Variants in PIK3R1 observed in about 807,000 individuals in gnomAD.
PIK3R1 encodes the protein phosphoinositide-3-kinase regulatory subunit 1.
Under a neutral mutation model 98.0 loss-of-function variants are expected in PIK3R1, and 29 were observed. The observed-to-expected ratio is 0.30, with a 90% CI of 0.22 to 0.40. The LOEUF (loss-of-function observed/expected upper bound fraction) is 0.40. Among genes scored for constraint, PIK3R1 ranks in the 10% least tolerant of loss-of-function variants. The pLI is 1.00. For synonymous variants in PIK3R1, 282 were observed against 311.8 expected (o/e 0.90, Z 1.01); for missense variants, 596 against 872.7 (o/e 0.68, Z 3.99).
chr5:68,292,183 G>T, intron 7 of PIK3R1, 76 bp from the exon 8 acceptor site: 2 of 836,940 alleles, frequency 2.4e-6, no homozygotes, highest in South Asian at 1.7e-5. Flanking sequence ...TTTTTTTAAA[G>T]TAAAAGTATT....
rs577824083 is a variant in PIK3R1, at chr5:68,229,219, C to T, written c.334+2210C>T. Among the ~76,000 whole-genome samples the T allele has an allele frequency of 7.2e-5, 11 of 152,048 alleles. No homozygotes were observed. In the East Asian group the frequency reaches 9.7e-4, roughly 13 times the overall value. On this transcript the variant is annotated intron_variant, in intron 2 of 15. Transcript: ENST00000521381. ...TTCTCATTTAAATATTCCTATGAAG[C>T]GAGAATTCAATAGCTCCTATGAGTT...
At chr5:68,288,573 G>A (rs1747195611) in intron 7 of PIK3R1, 1 of 1,517,710 alleles carries the variant, frequency 6.6e-7, no homozygotes, top group Non-Finnish European at 8.8e-7. Flanking sequence ...TCCTGGCGGC[G>A]CCCCCGCTCC....
chr5:68,251,865 T>G (rs969614122), intron 2 of PIK3R1, among the ~76,000 whole-genome samples: 1 of 152,150 alleles, frequency 6.6e-6, no homozygotes, highest in Non-Finnish European at 1.5e-5. Flanking sequence ...AGGAGTTGTG[T>G]AGGGCCCTCA....
At chr5:68,241,460 A>T (rs1744870990) in intron 2 of PIK3R1, among the ~76,000 whole-genome samples, 1 of 151,526 alleles carries the variant, frequency 6.6e-6, no homozygotes, top group Admixed American at 6.6e-5. Flanking sequence ...TCTTAAATAC[A>T]TGCAAGATGA....
chr5:68,256,710 G>A (rs1745530940), intron 2 of PIK3R1, among the ~76,000 whole-genome samples: 1 of 151,910 alleles, frequency 6.6e-6, no homozygotes, highest in African/African-American at 2.4e-5. Flanking sequence ...GATTGAGAGG[G>A]GCAATTAGCA....
intron 2 of PIK3R1, among the ~76,000 whole-genome samples, chr5:68,263,437 T>C (rs967181190): frequency 6.6e-6 from 1 of 151,846 alleles, no homozygotes; most frequent in African/African-American, 2.4e-5. Context: ...TCTAAAATTA[T>C]AATTCTAAAA....
chr5:68,217,599 A>G (rs950912362), intron 1 of PIK3R1: 6 of 151,484 alleles, frequency 4.0e-5, no homozygotes, highest in African/African-American at 1.2e-4. Flanking sequence ...GTTTTTGACC[A>G]GTATAAAGAA....
intron 2 of PIK3R1, among the ~76,000 whole-genome samples, chr5:68,255,005 C>T (rs1018804818): frequency 1.1e-4 from 17 of 152,272 alleles, no homozygotes; most frequent in Admixed American, 7.9e-4. Flanking sequence ...TGCAAATGGA[C>T]GAGCTGCTGC....
At chr5:68,243,523 C>G (rs1561266969) in intron 2 of PIK3R1, among the ~76,000 whole-genome samples, 1 of 152,228 alleles carries the variant, frequency 6.6e-6, no homozygotes, top group Non-Finnish European at 1.5e-5. Flanking sequence ...TTAGAAAGTC[C>G]TGTTCTACCA....
intron 1 of PIK3R1, among the ~76,000 whole-genome samples, chr5:68,222,863 G>A (rs577316564): frequency 6.6e-6 from 1 of 152,176 alleles, no homozygotes; most frequent in South Asian, 2.1e-4. Flanking sequence ...GTTAAAAATG[G>A]GACTTACAGA....
intron 5 of PIK3R1, 106 bp downstream of exon 5, chr5:68,279,839 T>A: frequency 9.2e-7 from 1 of 1,090,476 alleles, no homozygotes; most frequent in Non-Finnish European, 1.3e-6. Context: ...ATAGTAGTAA[T>A]AACCTGTCCC....
At chr5:68,271,634 C>T (rs1011903533) in intron 2 of PIK3R1, among the ~76,000 whole-genome samples, 105 of 152,282 alleles carry the variant, frequency 6.9e-4, no homozygotes, top group Non-Finnish European at 3.1e-4. Context: ...ACTCAATAAC[C>T]GCTGTGGCTA....
intron 2 of PIK3R1, among the ~76,000 whole-genome samples, chr5:68,264,499 C>T (rs71630404): frequency 0.19 from 28,933 of 152,114 alleles, 2,890 homozygotes; most frequent in South Asian, 0.22. Context: ...TCTCAGTTTT[C>T]TCATCTGTAA....
intron 2 of PIK3R1, among the ~76,000 whole-genome samples, chr5:68,262,585 A>T (rs1181594123): frequency 7.1e-6 from 1 of 140,554 alleles, no homozygotes; most frequent in African/African-American, 2.7e-5. Flanking sequence ...ACATGTATAC[A>T]CATGTATCTG....
At chr5:68,279,936 T>C (rs763646276) in intron 5 of PIK3R1, among the ~76,000 whole-genome samples, 4 of 152,218 alleles carry the variant, frequency 2.6e-5, no homozygotes, top group Non-Finnish European at 5.9e-5. Context: ...GAAGCCCGTC[T>C]GCATGTCAGA....
chr5:68,295,236 G>A lies in PIK3R1; in HGVS notation c.1657G>A (p.Ala553Thr), dbSNP rs2112275505. ...RRLEEDLKKQ[A>T]AEYREIDKRM... ...ATTGGAAGAAGACTTGAAGAAGCAGGCAGCTGAGTATCGAGAAATTGACAA... is the reference window on the plus strand; with the variant it reads ...ATTGGAAGAAGACTTGAAGAAGCAGACAGCTGAGTATCGAGAAATTGACAA... The change falls in exon 13 of 16, where the codon GCA (alanine) becomes ACA (threonine). Residue 553 changes from alanine to threonine, a missense_variant. Transcript: ENST00000521381. The A allele has an allele frequency of 6.2e-7, 1 of 1,614,028 alleles. No homozygotes were observed. The highest frequency in any genetic ancestry group is 1.1e-5 in the South Asian group (1 of 91,082).
intron 15 of PIK3R1, among the ~76,000 whole-genome samples, chr5:68,297,043 C>G (rs1380814696): frequency 1.3e-5 from 2 of 152,196 alleles, no homozygotes; most frequent in Non-Finnish European, 2.9e-5. Flanking sequence ...AATAGTAACA[C>G]TGCTAGTCAT....
intron 2 of PIK3R1, among the ~76,000 whole-genome samples, chr5:68,233,642 G>A (rs1744560262): frequency 1.3e-5 from 2 of 152,094 alleles, no homozygotes; most frequent in African/African-American, 2.4e-5. Context: ...TATACAAACA[G>A]TACGTGGAAT....
intron 2 of PIK3R1, among the ~76,000 whole-genome samples, chr5:68,267,924 A>G (rs1746189770): frequency 6.6e-6 from 1 of 152,190 alleles, no homozygotes; most frequent in Non-Finnish European, 1.5e-5. Flanking sequence ...AAAAGTATTG[A>G]GAACAGTCTA....
Sources: gnomAD v4.1 joint callset for allele counts (sites outside exome capture counted in the v4.1 genomes callset) on GRCh38, gnomAD v4.1.1 for gene constraint, MANE v1.5 for transcripts, NCBI Gene and HGNC (gene_info 2026-07-23, HGNC 2026-07-21) for gene names.